Variants in HDGFL2 observed in about 807,000 individuals in gnomAD.
HDGFL2 encodes hepatoma-derived growth factor-related protein 2.
A neutral mutation model predicts 77.1 loss-of-function variants in HDGFL2; 36 were observed. The ratio of observed to expected loss-of-function variants is 0.47; its 90% confidence interval spans 0.36 to 0.62. HDGFL2 has a LOEUF of 0.62. Among genes scored for constraint, HDGFL2 ranks in the 20% least tolerant of loss-of-function variants. HDGFL2 has a pLI of 0.00. For synonymous variants in HDGFL2, 463 were observed against 413.1 expected, an observed-to-expected ratio of 1.12 and a Z score of -1.46; for missense variants, 976 against 973.4, an observed-to-expected ratio of 1.00 and a Z score of -0.04.
In HDGFL2 at chr19:4,475,295, C is replaced by G; in HGVS notation, c.93C>G (p.Gly31=). 1 of 1,614,044 alleles carries G rather than the reference C, an allele frequency of 6.2e-7. No individual in the cohort carries two copies. Among genetic ancestry groups the G allele is most frequent in the Non-Finnish European group, 8.5e-7 (1 of 1,179,988 alleles). ...WPARIDDIAD[G]AVKPPPNKYP... The stretch of plus-strand genomic sequence containing the variant: ...TGCAGATCGACGACATCGCGGATGG[C>G]GCCGTGAAGCCCCCACCCAACAAGT... The change falls in exon 2 of 16, where the codon GGC becomes GGG. Residue 31 remains glycine (G), a synonymous_variant. Coordinates refer to ENST00000616600, the MANE Select transcript of HDGFL2 (RefSeq NM_001001520.3).
At position 4,486,567 on chromosome 19, in the gene HDGFL2, C is replaced by T. The variant is rs149549403; in HGVS notation, c.289-2109C>T. Among the ~76,000 whole-genome samples, 1,159 of 151,466 alleles carry T rather than the reference C, an allele frequency of 7.7e-3. 3 individuals are homozygous for T. Among genetic ancestry groups the T allele is most frequent in the Middle Eastern group, 0.025 (7 of 284 alleles). On this transcript the variant is annotated intron_variant, in intron 3 of 15. Transcript: ENST00000616600. ...GAAAAATCGCAATCTCTGCCAAGCA[C>T]GGTGGCTCACTCCTGTAATCCCAGC...
Position 4,491,862 on chromosome 19 carries a change from A to G in HDGFL2, c.678+27A>G, listed in dbSNP as rs143220156. ...TAGCGTGCACTTGACTTTGTTTCCC[A>G]TGCCCACTCGTGGGGCACCTCTGCG... is the stretch of plus-strand genomic sequence containing the variant. On this transcript the variant is annotated intron_variant, in intron 6 of 15. Coordinates refer to ENST00000616600, the MANE Select transcript of HDGFL2 (RefSeq NM_001001520.3). The G allele has an allele frequency of 1.5e-3, 2,410 of 1,602,982 alleles. 34 individuals carry two copies. In the African/African-American group the frequency reaches 0.029, roughly 19 times the overall value.
At chr19:4,473,394 A>G (rs1974994744) in intron 1 of HDGFL2, among the ~76,000 whole-genome samples, 1 of 151,588 alleles carries the variant, frequency 6.6e-6, no homozygotes, top group South Asian at 2.1e-4. Flanking sequence ...AGGGTGCCTC[A>G]GGGAGCCGTG....
At chr19:4,496,566 G>A (rs952270834) in intron 10 of HDGFL2, among the ~76,000 whole-genome samples, 161 bp downstream of exon 10, 25 of 152,270 alleles carry the variant, frequency 1.6e-4, no homozygotes, top group African/African-American at 5.8e-4. Context: ...CGTAGGAATC[G>A]CTGCTGCGGG....
chr19:4,476,506 AAC>A (rs1170890366), intron 3 of HDGFL2, among the ~76,000 whole-genome samples: 3 of 151,768 alleles, frequency 2.0e-5, no homozygotes, highest in African/African-American at 7.3e-5. Flanking sequence ...CCGAATTTCT[AAC>A]AGAGTGTTAT....
At chr19:4,501,795 C>T (rs913432102) in intron 15 of HDGFL2, 116 bp from the exon 16 acceptor site, 26 of 704,902 alleles carry the variant, frequency 3.7e-5, no homozygotes, top group Admixed American at 1.8e-4. Context: ...GGGCGGCACT[C>T]GAGCCTCAGG....
At chr19:4,477,063 G>T (rs1975091673) in intron 3 of HDGFL2, among the ~76,000 whole-genome samples, 1 of 152,202 alleles carries the variant, frequency 6.6e-6, no homozygotes, top group South Asian at 2.1e-4. Flanking sequence ...GCTTTTGCGA[G>T]TGGAGGATGC....
intron 4 of HDGFL2, 77 bp from the exon 5 acceptor site, chr19:4,491,489 G>T: frequency 7.9e-7 from 1 of 1,263,378 alleles, no homozygotes; most frequent in East Asian, 2.3e-5. Flanking sequence ...GTCGTGGGTG[G>T]TGGGCAGTCA....
intron 3 of HDGFL2, 35 bp downstream of exon 3, chr19:4,475,618 C>G (rs1305624539): frequency 6.5e-7 from 1 of 1,540,688 alleles, no homozygotes; most frequent in East Asian, 2.3e-5. Flanking sequence ...GTGTGAAGCG[C>G]GCTACTGATG....
chr19:4,493,842 C>G lies in HDGFL2; in HGVS notation c.818C>G (p.Pro273Arg). 1 of 1,514,504 alleles carries G rather than the reference C, an allele frequency of 6.6e-7. No homozygotes were observed. The highest frequency in any genetic ancestry group is 1.3e-5 in the South Asian group (1 of 79,938). 93.8% of individuals were successfully genotyped at this position (1,514,504 alleles called of 1,614,324 possible). A position where few individuals can be genotyped will look rare whatever the true frequency, so the allele number is the denominator to read the frequency against. The change falls in exon 7 of 16, where the codon CCT (proline) becomes CGT (arginine). Residue 273 changes from proline to arginine, a missense_variant. Physicochemically the swap from Pro to Arg is moderately radical, Grantham distance 103. Around this residue, in one of 5 missense-constraint regions of HDGFL2, gnomAD observed 567 missense variants for 534.7 expected, o/e 1.06. Coordinates refer to ENST00000616600, the MANE Select transcript of HDGFL2 (RefSeq NM_001001520.3). ...SSDSDVSVKK[P>R]PRGRKPAEKP... Reference sequence around the variant, plus strand: ...GACTCCGATGTGTCTGTGAAGAAGCCTCCGAGGGGCAGGAAGCCAGGTAGG... The same window carrying G: ...GACTCCGATGTGTCTGTGAAGAAGCGTCCGAGGGGCAGGAAGCCAGGTAGG...
chr19:4,474,209 G>A (rs1451768064), intron 1 of HDGFL2, among the ~76,000 whole-genome samples: 15 of 152,104 alleles, frequency 9.9e-5, no homozygotes, highest in Admixed American at 7.9e-4. Context: ...TGGGGCAGCA[G>A]GGAGGGGCTG....
intron 1 of HDGFL2, among the ~76,000 whole-genome samples, chr19:4,474,296 G>A (rs1242988157): frequency 1.3e-5 from 2 of 152,160 alleles, no homozygotes; most frequent in Non-Finnish European, 2.9e-5. Context: ...GGGATGGGTG[G>A]GCCTCGGAGG....
Position 4,494,419 on chromosome 19 carries a change from G to A in HDGFL2, c.1168G>A (p.Gly390Ser). ...CAAGAAGCGGGGACGCAAGGGCCGG[G>A]GCCGGGGTCCCCCGTCCTCCTCTGA... ...PVKKRGRKGR[G>S]RGPPSSSDSE... The change falls in exon 9 of 16, where the codon GGC becomes AGC. Residue 390 changes from glycine to serine, a missense_variant. Coordinates refer to ENST00000616600, the MANE Select transcript of HDGFL2 (RefSeq NM_001001520.3). The A allele has an allele frequency of 7.1e-7, 1 of 1,408,824 alleles. No homozygotes were observed. Among genetic ancestry groups the A allele is most frequent in the South Asian group, 1.6e-5 (1 of 62,636 alleles). The allele number at this position is 1,408,824 out of a possible 1,614,324, so 87.3% of individuals were successfully genotyped here.
intron 3 of HDGFL2, among the ~76,000 whole-genome samples, chr19:4,484,568 C>T (rs1030191495): frequency 7.9e-5 from 12 of 151,550 alleles, no homozygotes; most frequent in African/African-American, 2.7e-4. Flanking sequence ...GGTGCGATCT[C>T]GGCTCACTGC....
At chr19:4,474,612 C>T (rs1408657621) in intron 1 of HDGFL2, among the ~76,000 whole-genome samples, 2 of 152,148 alleles carry the variant, frequency 1.3e-5, no homozygotes, top group East Asian at 1.9e-4. Flanking sequence ...TTGGGGGAGA[C>T]CAGAGCAATG....
chr19:4,501,502 C>A, intron 15 of HDGFL2, 185 bp downstream of exon 15: 1 of 638,806 alleles, frequency 1.6e-6, no homozygotes, highest in Non-Finnish European at 2.5e-6. Context: ...CCGGCGGCCC[C>A]TACAGAGAGG....
intron 15 of HDGFL2, chr19:4,501,652 C>T: frequency 1.7e-5 from 8 of 482,294 alleles, no homozygotes. Context: ...TCACTGTGGG[C>T]TGCTGTCTGG....
chr19:4,495,962 A>G (rs868568021), intron 9 of HDGFL2, among the ~76,000 whole-genome samples: 4 of 152,246 alleles, frequency 2.6e-5, no homozygotes, highest in South Asian at 4.1e-4. Flanking sequence ...TGGGGAAAGC[A>G]CGAACAGCGC....
intron 4 of HDGFL2, 122 bp from the exon 5 acceptor site, chr19:4,491,443 GT>G (rs1975509391): frequency 1.1e-5 from 8 of 758,482 alleles, no homozygotes; most frequent in Admixed American, 2.4e-5. Flanking sequence ...TTCTCAGAGG[GT>G]TCCTGGCCCG....
Sources: gnomAD v4.1 joint callset for allele counts (sites outside exome capture counted in the v4.1 genomes callset) on GRCh38, gnomAD v4.1.1 for gene constraint, gnomAD v4.1.1 regional missense constraint, MANE v1.5 for transcripts, NCBI Gene and HGNC (gene_info 2026-07-23, HGNC 2026-07-21) for gene names.